KAT7: variants seen among roughly 807,000 people sequenced by gnomAD.
The protein encoded by KAT7 is lysine acetyltransferase 7.
KAT7 carries 10 observed loss-of-function variants against 82.1 expected under a neutral mutation model. That is an observed-to-expected ratio of 0.12 (90% CI 0.08 to 0.21). KAT7 has a LOEUF of 0.21. Among genes scored for constraint, KAT7 ranks in the 10% least tolerant of loss-of-function variants. KAT7 has a pLI of 1.00. For synonymous variants in KAT7, 250 were observed against 262.5 expected, an observed-to-expected ratio of 0.95 and a Z score of 0.46; for missense variants, 378 against 760.9, an observed-to-expected ratio of 0.50 and a Z score of 5.92.
intron 2 of KAT7, among the ~76,000 whole-genome samples, chr17:49,794,163 C>T (rs1369900056): frequency 6.6e-6 from 1 of 152,180 alleles, no homozygotes; most frequent in African/African-American, 2.4e-5. Context: ...GTGCAAGATA[C>T]AGATATGAAA....
intron 11 of KAT7, 128 bp downstream of exon 11, chr17:49,821,918 TAAAAA>T (rs373603649): frequency 1.6e-6 from 1 of 633,162 alleles, no homozygotes; most frequent in Non-Finnish European, 2.6e-6. Flanking sequence ...TTCCTTAAAT[TAAAAA>T]AAAAAAAAAG....
chr17:49,820,314 G>A (rs956645750), intron 9 of KAT7, among the ~76,000 whole-genome samples: 6 of 150,410 alleles, frequency 4.0e-5, no homozygotes, highest in African/African-American at 1.2e-4. Context: ...TTGAGACAGA[G>A]TCTCGCTCTG....
intron 4 of KAT7, among the ~76,000 whole-genome samples, chr17:49,800,294 A>G (rs2074008941): frequency 6.6e-6 from 1 of 152,130 alleles, no homozygotes; most frequent in Non-Finnish European, 1.5e-5. Flanking sequence ...TACAGGCATG[A>G]GCCACCACGC....
chr17:49,799,564 A>T (rs2073996843), intron 4 of KAT7, among the ~76,000 whole-genome samples: 3 of 152,164 alleles, frequency 2.0e-5, no homozygotes, highest in African/African-American at 7.2e-5. Flanking sequence ...TTTAGTAGAG[A>T]TGGGGTTTCG....
rs1053220209 is a variant in KAT7 at position 49,832,632 on chromosome 17, T to A, written c.*5130T>A. The A allele has an allele frequency of 6.6e-6, 1 of 152,208 alleles. No homozygotes were observed. The highest frequency in any genetic ancestry group is 1.5e-5 in the Non-Finnish European group (1 of 68,032). 9.4% of individuals were successfully genotyped at this position (152,208 alleles called of 1,614,324 possible). A position where few individuals can be genotyped will look rare whatever the true frequency, so the allele number is the denominator to read the frequency against. ...TTTACCATACAACCCTCAACTAGTT[T>A]AGTGTGCTCAAGCTCAAATAACCAA... On this transcript the variant is annotated 3_prime_UTR_variant, in exon 15 of 15. Coordinates refer to ENST00000259021, the MANE Select transcript of KAT7 (RefSeq NM_007067.5).
chr17:49,795,528 GA>G, intron 2 of KAT7: 2 of 241,474 alleles, frequency 8.3e-6, no homozygotes, highest in South Asian at 6.6e-5. Context: ...CTATCGATGG[GA>G]AAAAGAAGGT....
At position 49,830,652 on chromosome 17, in the gene KAT7, C is replaced by T. The variant is rs2074417948; in HGVS notation, c.*3150C>T. 6.6e-6 allele frequency: 1 copy of T among 152,228 alleles called. No individual in the cohort carries two copies. Among genetic ancestry groups the T allele is most frequent in the Admixed American group, 6.5e-5 (1 of 15,286 alleles). 9.4% of individuals were successfully genotyped at this position (152,228 alleles called of 1,614,324 possible). A position where few individuals can be genotyped will look rare whatever the true frequency, so the allele number is the denominator to read the frequency against. ...GTACCTTCATACTGCCTCATTTGACCCTCATATTAGCCCTGTACAGTAGAT... is the reference window on the plus strand; with the variant it reads ...GTACCTTCATACTGCCTCATTTGACTCTCATATTAGCCCTGTACAGTAGAT... On this transcript the variant is annotated 3_prime_UTR_variant, in exon 15 of 15. Coordinates refer to ENST00000259021, the MANE Select transcript of KAT7 (RefSeq NM_007067.5).
intron 3 of KAT7, among the ~76,000 whole-genome samples, chr17:49,797,351 C>T (rs1373506030): frequency 2.0e-5 from 3 of 152,216 alleles, no homozygotes; most frequent in African/African-American, 4.8e-5. Context: ...GTATAAGCCA[C>T]CATGCCCAGC....
chr17:49,827,667 A>T lies in KAT7; in HGVS notation c.*165A>T. The T allele has an allele frequency of 3.3e-6, 2 of 602,200 alleles. No individual in the cohort carries two copies. The highest frequency in any genetic ancestry group is 5.9e-6 in the Non-Finnish European group (2 of 336,746). 37.3% of individuals were successfully genotyped at this position (602,200 alleles called of 1,614,324 possible). On this transcript the variant is annotated 3_prime_UTR_variant, in exon 15 of 15. Transcript: ENST00000259021. ...GCTCCGACCTTTGTGTACACTGCAG[A>T]CGCTGGTTCTGAGGAACTGTTGTTT... is the stretch of plus-strand genomic sequence containing the variant.
chr17:49,801,860 G>GAT (rs1487716551), intron 4 of KAT7, among the ~76,000 whole-genome samples: 2 of 151,942 alleles, frequency 1.3e-5, no homozygotes, highest in Non-Finnish European at 2.9e-5. Flanking sequence ...AACTCTATAG[G>GAT]AAAGTTTGAA....
Position 49,828,308 on chromosome 17 carries a change from C to G in KAT7, c.*806C>G, listed in dbSNP as rs2074391807. The G allele has an allele frequency of 6.6e-6, 1 of 152,186 alleles. No homozygotes were observed. Among genetic ancestry groups the G allele is most frequent in the South Asian group, 2.1e-4 (1 of 4,822 alleles). 9.4% of individuals were successfully genotyped at this position (152,186 alleles called of 1,614,324 possible). ...ATATTTCCTTCTCTCTTTACTCCCA[C>G]TTTTTACGTTTGCAGGTGCCAAAGT... On this transcript the variant is annotated 3_prime_UTR_variant, in exon 15 of 15. Transcript: ENST00000259021.
chr17:49,800,010 CTTTTTTTTTT>C (rs10694119), intron 4 of KAT7, among the ~76,000 whole-genome samples: 1 of 98,438 alleles, frequency 1.0e-5, no homozygotes, highest in Non-Finnish European at 1.9e-5. Context: ...GTTTCCTGGC[CTTTTTTTTTT>C]TTTTTTTTTG....
chr17:49,792,123 C>T, intron 2 of KAT7, 90 bp downstream of exon 2: 2 of 1,327,558 alleles, frequency 1.5e-6, no homozygotes, highest in Admixed American at 3.9e-5. Flanking sequence ...GAAACTGGCC[C>T]CTTGGCTTGG....
intron 12 of KAT7, chr17:49,824,758 A>C (rs2074348738): frequency 6.6e-6 from 1 of 152,188 alleles, no homozygotes; most frequent in Admixed American, 6.5e-5. Flanking sequence ...TGTTCTTATA[A>C]ACTTGATTTT....
intron 6 of KAT7, 98 bp from the exon 7 acceptor site, chr17:49,811,378 A>T: frequency 1.8e-6 from 1 of 546,002 alleles, no homozygotes; most frequent in Non-Finnish European, 3.2e-6. Context: ...AAGTGCTGAG[A>T]TTACAGGCGT....
Position 49,798,474 on chromosome 17 carries a change from C to G in KAT7, c.496C>G (p.Leu166Val). 1.2e-6 allele frequency: 2 copies of G among 1,614,188 alleles called. No individual in the cohort carries two copies. The highest frequency in any genetic ancestry group is 2.2e-5 in the South Asian group (2 of 91,088). The change falls in exon 4 of 15, where the codon CTC becomes GTC. Residue 166 changes from leucine to valine, a missense_variant. This residue lies in a region of KAT7 where 161 missense variants were observed against 229.6 expected (regional missense o/e 0.70). Transcript: ENST00000259021. Reference protein sequence around the residue: ...DMSLKDSGSDLSHRPKRRRFH... With the variant: ...DMSLKDSGSDVSHRPKRRRFH... ...GTCCCTGAAGGACTCAGGCAGTGAT[C>G]TCTCTCATCGCCCCAAGCGCCGTCG...
Position 49,792,049 on chromosome 17 carries a change from T to A in KAT7, c.163+16T>A, listed in dbSNP as rs2073896663. 1 of 1,611,390 alleles carries A rather than the reference T, an allele frequency of 6.2e-7. No homozygotes were observed. The highest frequency in any genetic ancestry group is 8.5e-7 in the Non-Finnish European group (1 of 1,178,486). ...AGTTCTCAAGGTAAAAAAACCTTCA[T>A]TTTTCCTTACCACTCCTCACATCTG... On this transcript the variant is annotated intron_variant, in intron 2 of 14. Transcript: ENST00000259021.
chr17:49,827,167 A>C (rs1444557902), intron 14 of KAT7: 1 of 521,032 alleles, frequency 1.9e-6, no homozygotes. Flanking sequence ...AAATTATTTC[A>C]TATATACAAT....
chr17:49,797,770 A>G (rs1485657774), intron 3 of KAT7, among the ~76,000 whole-genome samples: 2 of 152,244 alleles, frequency 1.3e-5, no homozygotes, highest in Non-Finnish European at 2.9e-5. Context: ...GGAGTTGAAT[A>G]GTAGTTGTCC....
Sources: gnomAD v4.1 joint callset for allele counts (sites outside exome capture counted in the v4.1 genomes callset) on GRCh38, gnomAD v4.1.1 for gene constraint, gnomAD v4.1.1 regional missense constraint, MANE v1.5 for transcripts, NCBI Gene and HGNC (gene_info 2026-07-23, HGNC 2026-07-21) for gene names.